The following SUGP1 variants were observed in gnomAD, a reference collection of about 807,000 sequenced individuals.
The protein encoded by SUGP1 is SURP and G-patch domain containing 1.
In SUGP1, 34 loss-of-function variants were observed where a neutral mutation model predicts 76.5. That is an observed-to-expected ratio of 0.44 (90% CI 0.34 to 0.59). The LOEUF (loss-of-function observed/expected upper bound fraction) is 0.59, where lower values mean the gene tolerates loss of function less well. Ranked by LOEUF, SUGP1 falls within the 20% of genes least tolerant of loss-of-function variation. The pLI is 0.01. For synonymous variants in SUGP1, 326 were observed against 326.2 expected, an observed-to-expected ratio of 1.00 and a Z score of 0.01; for missense variants, 752 against 851.7, an observed-to-expected ratio of 0.88 and a Z score of 1.46.
intron 3 of SUGP1, 92 bp from the exon 4 acceptor site, chr19:19,306,168 G>T: frequency 1.6e-6 from 2 of 1,284,926 alleles, no homozygotes; most frequent in Non-Finnish European, 1.0e-6. Flanking sequence ...CCCCGGGGGA[G>T]CTGGGTCCTT....
At chr19:19,279,415 C>A in intron 9 of SUGP1, 25 bp from the exon 10 acceptor site, 1 of 1,575,220 alleles carries the variant, frequency 6.3e-7, no homozygotes. Flanking sequence ...CGCCAGTGAG[C>A]CAGGGCACGG....
intron 1 of SUGP1, among the ~76,000 whole-genome samples, chr19:19,316,819 G>A (rs1337677952): frequency 6.6e-6 from 1 of 152,130 alleles, no homozygotes; most frequent in Non-Finnish European, 1.5e-5. Flanking sequence ...GCTTCAGGCT[G>A]GGAAGACAAT....
intron 6 of SUGP1, 57 bp downstream of exon 6, chr19:19,303,290 TG>T (rs1389267073): frequency 6.8e-7 from 1 of 1,461,488 alleles, no homozygotes; most frequent in East Asian, 2.3e-5. Context: ...GATTCCGCAT[TG>T]GGGCACGGTA....
At chr19:19,302,676 G>A (rs1004464183) in intron 6 of SUGP1, among the ~76,000 whole-genome samples, 2 of 152,146 alleles carry the variant, frequency 1.3e-5, no homozygotes, top group African/African-American at 4.8e-5. Context: ...GGGCAGGAAG[G>A]CAGATGGGAG....
intron 8 of SUGP1, among the ~76,000 whole-genome samples, chr19:19,284,690 G>A (rs934183480): frequency 2.6e-5 from 4 of 152,170 alleles, no homozygotes; most frequent in South Asian, 2.1e-4. Flanking sequence ...GCGAAGGAGC[G>A]AAAGCTGGAG....
intron 8 of SUGP1, among the ~76,000 whole-genome samples, chr19:19,292,272 CAAAAA>C (rs543248625): frequency 6.5e-5 from 4 of 61,142 alleles, no homozygotes; most frequent in Admixed American, 1.7e-4. Context: ...GACTCCGTCT[CAAAAA>C]AAAAAAAAAA....
chr19:19,317,773 G>A (rs2061405200), intron 1 of SUGP1, among the ~76,000 whole-genome samples: 1 of 150,344 alleles, frequency 6.7e-6, no homozygotes, highest in South Asian at 2.1e-4. Context: ...CCAAAGTGCT[G>A]GGATTTACAG....
intron 8 of SUGP1, among the ~76,000 whole-genome samples, chr19:19,285,861 G>C (rs867051889): frequency 6.6e-6 from 1 of 152,132 alleles, no homozygotes; most frequent in Non-Finnish European, 1.5e-5. Flanking sequence ...TACCGTACCC[G>C]GCCAAGCACC....
chr19:19,278,603 G>A, intron 11 of SUGP1, 87 bp downstream of exon 11: 1 of 1,187,022 alleles, frequency 8.4e-7, no homozygotes, highest in Non-Finnish European at 1.2e-6. Context: ...AGGGTAGCCA[G>A]GCTACTTTGG....
At position 19,303,434 on chromosome 19, in the gene SUGP1, T is replaced by C. The variant is rs181184094; in HGVS notation, c.677A>G (p.Lys226Arg). 1.9e-6 allele frequency: 3 copies of C among 1,614,110 alleles called. No individual in the cohort carries two copies. The highest frequency in any genetic ancestry group is 4.5e-5 in the East Asian group (2 of 44,882). The change falls in exon 6 of 14, where the codon AAG becomes AGG. Residue 226 changes from lysine to arginine, a missense_variant. Around this residue, in one of 2 missense-constraint regions of SUGP1, gnomAD observed 620 missense variants for 617.3 expected, o/e 1.00. Transcript: ENST00000247001. The part of the protein sequence containing the change: ...DNPAFAFLHD[K>R]NSREFLYYRK... ...GTAGTAGAGGAATTCCCTGCTATTC[T>C]TATCGTGCAAAAATCTGGAGAGGAG...
intron 9 of SUGP1, among the ~76,000 whole-genome samples, chr19:19,279,721 G>A (rs1300104076): frequency 6.6e-6 from 1 of 152,230 alleles, no homozygotes; most frequent in African/African-American, 2.4e-5. Flanking sequence ...GCAAGCGCCT[G>A]CAGCTCCTCA....
chr19:19,280,104 G>A (rs1421218046), intron 9 of SUGP1, 81 bp downstream of exon 9: 4 of 1,368,536 alleles, frequency 2.9e-6, no homozygotes, highest in Non-Finnish European at 3.1e-6. Context: ...ATGAACCCCT[G>A]TGACCGCTGC....
chr19:19,278,099 C>G (rs2061068302), intron 11 of SUGP1, among the ~76,000 whole-genome samples: 1 of 152,142 alleles, frequency 6.6e-6, no homozygotes, highest in African/African-American at 2.4e-5. Context: ...GTGGCCAAGT[C>G]AAAAGGGCAA....
Position 19,316,438 on chromosome 19 carries a change from G to A in SUGP1, c.190C>T (p.Pro64Ser), listed in dbSNP as rs745893529. 36 of 1,613,946 alleles carry A rather than the reference G, an allele frequency of 2.2e-5. No homozygotes were observed. Among genetic ancestry groups the A allele is most frequent in the Non-Finnish European group, 2.9e-5 (34 of 1,179,998 alleles). The change falls in exon 2 of 14, where the codon CCC (proline) becomes TCC (serine). Residue 64 changes from proline (P) to serine (S), a missense_variant. Physicochemically the swap from Pro to Ser is moderately conservative, Grantham distance 74 (BLOSUM62 -1). Coordinates refer to ENST00000247001, the MANE Select transcript of SUGP1 (RefSeq NM_172231.4). ...AKQNQVASPQ[P>S]PHPGEITNAH... ...GGCACTTACTCGCCAGGATGTGGGGGCTGAGGGCTGGCCACCTGATTCTGC... is the reference window on the plus strand; with the variant it reads ...GGCACTTACTCGCCAGGATGTGGGGACTGAGGGCTGGCCACCTGATTCTGC...
At chr19:19,314,756 C>T (rs1370930517) in intron 2 of SUGP1, among the ~76,000 whole-genome samples, 2 of 152,132 alleles carry the variant, frequency 1.3e-5, no homozygotes, top group East Asian at 1.9e-4. Flanking sequence ...GGTTCTTGGC[C>T]GGGTGCAGTG....
At chr19:19,300,428 T>C (rs1351904646) in intron 7 of SUGP1, among the ~76,000 whole-genome samples, 1 of 152,192 alleles carries the variant, frequency 6.6e-6, no homozygotes, top group Non-Finnish European at 1.5e-5. Flanking sequence ...CCAAAGTGGC[T>C]GGGGTATGCC....
At chr19:19,304,560 AG>A (rs1373116715) in intron 4 of SUGP1, among the ~76,000 whole-genome samples, 9 of 152,264 alleles carry the variant, frequency 5.9e-5, no homozygotes, top group Middle Eastern at 3.4e-3. Context: ...CAGTGAACAG[AG>A]CTATAAAGAT....
rs188611777 is a variant in SUGP1 at position 19,279,198 on chromosome 19, C to T, written c.1528+15G>A. ...ATGCCCAGCCCAGCCCGGCCCACCC[C>T]GCTGCCCCACATACCCCTGGTCTTA... is the stretch of plus-strand genomic sequence containing the variant. On this transcript the variant is annotated intron_variant, in intron 10 of 13. Coordinates refer to ENST00000247001, the MANE Select transcript of SUGP1 (RefSeq NM_172231.4). 604 of 1,578,146 alleles carry T rather than the reference C, an allele frequency of 3.8e-4. 2 individuals carry two copies. The African/African-American group carries it at 6.9e-3, about 18-fold the overall frequency.
At chr19:19,278,344 C>T (rs1318134687) in intron 11 of SUGP1, among the ~76,000 whole-genome samples, 4 of 152,190 alleles carry the variant, frequency 2.6e-5, no homozygotes, top group African/African-American at 9.7e-5. Context: ...AGGAGCCCAA[C>T]AGCAGCAGAG....
Sources: allele counts gnomAD v4.1 joint callset (sites outside exome capture counted in the v4.1 genomes callset), GRCh38; gene constraint gnomAD v4.1.1; regional missense constraint gnomAD v4.1.1; transcripts MANE v1.5; gene names NCBI Gene and HGNC (gene_info 2026-07-23, HGNC 2026-07-21).